SLC37A1: variants seen among roughly 807,000 people sequenced by gnomAD.
The protein encoded by SLC37A1 is solute carrier family 37 member 1.
A neutral mutation model predicts 75.3 loss-of-function variants in SLC37A1; 49 were observed. The ratio of observed to expected loss-of-function variants is 0.65; its 90% CI spans 0.52 to 0.83. The LOEUF (loss-of-function observed/expected upper bound fraction) is 0.83. Among genes scored for constraint, SLC37A1 ranks in the 40% least tolerant of loss-of-function variants. The probability of loss-of-function intolerance (pLI) is 0.00; values close to 1 mark genes in which losing one functional copy is unlikely to be tolerated. For missense variants in SLC37A1, 566 were observed against 695.0 expected (o/e 0.81, Z 2.09); for synonymous variants, 268 against 292.1 (o/e 0.92, Z 0.84).
intron 17 of SLC37A1, among the ~76,000 whole-genome samples, chr21:42,572,356 CTGTTCGT>C (rs1466284973): frequency 6.6e-6 from 1 of 152,142 alleles, no homozygotes; most frequent in African/African-American, 2.4e-5. Flanking sequence ...AATTGGGCCC[CTGTTCGT>C]TTGATAAGTT....
rs1444308639 is a variant in SLC37A1 at position 42,525,815 on chromosome 21, T to A, written c.96T>A (p.Tyr32Ter). Reference protein sequence around the residue: ...AFIFILTFLLYASFHLSRKPI... With the variant: ...AFIFILTFLL ...TTTTTATTTTGACATTTCTGCTGTA[T>A]GCAAGTTTTCACTTATCTCGAAAGC... The change falls in exon 3 of 20, where the codon TAT (tyrosine) becomes TAA (stop). Residue 32 changes from tyrosine (Y) to a stop codon, truncating the protein, a stop_gained. Coordinates refer to ENST00000352133, the MANE Select transcript of SLC37A1 (RefSeq NM_001320537.2). LOFTEE classifies it high-confidence loss of function. 1 of 1,614,074 alleles carries A rather than the reference T, an allele frequency of 6.2e-7. No homozygotes were observed. Among genetic ancestry groups the A allele is most frequent in the African/African-American group, 1.3e-5 (1 of 74,938 alleles).
At chr21:42,529,542 G>A (rs2054889032) in intron 3 of SLC37A1, among the ~76,000 whole-genome samples, 1 of 152,178 alleles carries the variant, frequency 6.6e-6, no homozygotes, top group Non-Finnish European at 1.5e-5. Context: ...TGACATGAGT[G>A]AGACTCCATC....
chr21:42,554,967 T>TTTGG lies in SLC37A1; in HGVS notation c.849+837_849+840dup, dbSNP rs1302147191. Among the ~76,000 whole-genome samples, 596 of 147,460 alleles carry TTTGG rather than the reference T, an allele frequency of 4.0e-3. 6 individuals are homozygous for TTTGG. Among genetic ancestry groups the TTTGG allele is most frequent in the African/African-American group, 0.015 (563 of 38,124 alleles). On this transcript the variant is annotated intron_variant, in intron 10 of 19. Coordinates refer to ENST00000352133, the MANE Select transcript of SLC37A1 (RefSeq NM_001320537.2). ...TCTTTCTAGATCAGGTTTTTGTTTG[T>TTTGG]TTGGTTGGTTGGTTGTTTTTTTTTT...
At position 42,507,252 on chromosome 21, in the gene SLC37A1, T is replaced by C. The variant is rs141175003; in HGVS notation, c.-179+4835T>C. Among the ~76,000 whole-genome samples, 19 of 151,110 alleles carry C rather than the reference T, an allele frequency of 1.3e-4. 4 individuals are homozygous for C. Among genetic ancestry groups the C allele is most frequent in the East Asian group, 1.9e-4 (1 of 5,184 alleles). On this transcript the variant is annotated intron_variant, in intron 2 of 20. Coordinates refer to the SLC37A1 transcript ENST00000398341. ...AAAGATTTAAGATACAAGAGTTAAA[T>C]ACTAATGGTCTTAACCATAAGAGTT... is the stretch of plus-strand genomic sequence containing the variant.
intron 6 of SLC37A1, among the ~76,000 whole-genome samples, 191 bp from the exon 7 acceptor site, chr21:42,542,213 A>G (rs546113203): frequency 1.3e-5 from 2 of 152,356 alleles, no homozygotes; most frequent in East Asian, 1.9e-4. Context: ...TGAAAAATAT[A>G]TAGATACCTG....
At chr21:42,571,273 G>A (rs764257619) in intron 17 of SLC37A1, among the ~76,000 whole-genome samples, 5 of 152,190 alleles carry the variant, frequency 3.3e-5, no homozygotes, top group Non-Finnish European at 5.9e-5. Context: ...GGGTGGAGGC[G>A]AAACATGACT....
rs1035760486 is a variant in SLC37A1 at position 42,542,282 on chromosome 21, G to C, written c.487-122G>C. On this transcript the variant is annotated intron_variant, in intron 6 of 19. Transcript: ENST00000352133. ...ACTGTATATAAATATAAAATTGACA[G>C]TCCATCTCTGGCTGTCGTGCCCCCT... The C allele has an allele frequency of 2.6e-5, 17 of 651,552 alleles. No homozygotes were observed. The East Asian group carries it at 4.8e-4, about 18-fold the overall frequency. The allele number at this position is 651,552 out of a possible 1,614,324, so 40.4% of individuals were successfully genotyped here.
chr21:42,523,897 CTT>C, intron 2 of SLC37A1, among the ~76,000 whole-genome samples: 1 of 148,772 alleles, frequency 6.7e-6, no homozygotes, highest in Non-Finnish European at 1.5e-5. Flanking sequence ...GAAATATGGC[CTT>C]TTTTTTTTTA....
intron 3 of SLC37A1, among the ~76,000 whole-genome samples, chr21:42,531,187 G>A (rs941928498): frequency 2.6e-5 from 4 of 152,026 alleles, no homozygotes; most frequent in South Asian, 2.1e-4. Context: ...CGCCTTCCCC[G>A]CACACTCGTC....
At chr21:42,568,655 G>C (rs190696301) in intron 17 of SLC37A1, among the ~76,000 whole-genome samples, 2 of 152,182 alleles carry the variant, frequency 1.3e-5, no homozygotes, top group African/African-American at 4.8e-5. Flanking sequence ...CTAGCTGTGC[G>C]TGTCCAGGTT....
At position 42,543,423 on chromosome 21, in the gene SLC37A1, T is replaced by C. The variant is rs1188057659; in HGVS notation, c.564-13T>C. 4.3e-6 allele frequency: 7 copies of C among 1,614,086 alleles called. No homozygotes were observed. The highest frequency in any genetic ancestry group is 5.9e-6 in the Non-Finnish European group (7 of 1,180,024). On this transcript the variant is annotated splice_polypyrimidine_tract_variant and intron_variant, in intron 7 of 19. Transcript: ENST00000352133. ...CAGCTCCATCTTCTGTCTTCTGTTT[T>C]GTTGTGCTGCAGGAGAGGTTTGATT...
intron 2 of SLC37A1, among the ~76,000 whole-genome samples, chr21:42,522,360 C>T (rs1266986118): frequency 1.3e-5 from 2 of 152,086 alleles, no homozygotes; most frequent in African/African-American, 2.4e-5. Context: ...GAAAGGACTT[C>T]GGGAGGGCTG....
At chr21:42,532,529 A>T (rs1035547595) in intron 3 of SLC37A1, among the ~76,000 whole-genome samples, 1 of 152,172 alleles carries the variant, frequency 6.6e-6, no homozygotes, top group Non-Finnish European at 1.5e-5. Flanking sequence ...CATGGGAGGC[A>T]GCAGGGAAAG....
At chr21:42,533,028 G>A (rs1006260377) in intron 3 of SLC37A1, among the ~76,000 whole-genome samples, 1 of 152,208 alleles carries the variant, frequency 6.6e-6, no homozygotes, top group African/African-American at 2.4e-5. Context: ...AAATCAGGGT[G>A]TCTAGCTCCG....
chr21:42,541,981 A>G, intron 6 of SLC37A1, among the ~76,000 whole-genome samples: 1 of 151,994 alleles, frequency 6.6e-6, no homozygotes, highest in East Asian at 1.9e-4. Flanking sequence ...AACTCAAGAG[A>G]CCCTCCTGCA....
chr21:42,539,153 C>T (rs2055212204), intron 5 of SLC37A1, among the ~76,000 whole-genome samples: 1 of 152,176 alleles, frequency 6.6e-6, no homozygotes, highest in Non-Finnish European at 1.5e-5. Context: ...AATTTTAAGA[C>T]ACTATATACA....
chr21:42,576,006 ATTGTT>A lies in SLC37A1; in HGVS notation c.1521+1095_1521+1099del, dbSNP rs138764478. The A allele has an allele frequency of 1.6e-3, 1,514 of 963,442 alleles. 18 individuals are homozygous for A. The African/African-American group carries it at 0.025, about 16-fold the overall frequency. 59.7% of individuals were successfully genotyped at this position (963,442 alleles called of 1,614,324 possible). On this transcript the variant is annotated intron_variant, in intron 18 of 19. Transcript: ENST00000352133. ...AACTATCTGGTAATATATATTGAAA[ATTGTT>A]TTGATGCTTAGCCAAACTCATAAGA...
intron 17 of SLC37A1, among the ~76,000 whole-genome samples, chr21:42,569,825 C>T (rs2056080043): frequency 6.6e-6 from 1 of 152,242 alleles, no homozygotes; most frequent in South Asian, 2.1e-4. Flanking sequence ...GAGCTGCTCC[C>T]AGACAGTTAG....
chr21:42,550,246 G>C (rs1442650220), intron 9 of SLC37A1, among the ~76,000 whole-genome samples: 1 of 152,194 alleles, frequency 6.6e-6, no homozygotes, highest in Non-Finnish European at 1.5e-5. Context: ...AATAAAGGAG[G>C]ACTCAAATTA....
Sources: allele counts gnomAD v4.1 joint callset (sites outside exome capture counted in the v4.1 genomes callset), GRCh38; gene constraint gnomAD v4.1.1; transcripts MANE v1.5; gene names NCBI Gene and HGNC (gene_info 2026-07-23, HGNC 2026-07-21).